COMMD8: variants seen among roughly 807,000 people sequenced by gnomAD.
COMMD8 encodes COMM domain containing 8, also known as COMM domain-containing protein 8.
A neutral mutation model predicts 27.2 loss-of-function variants in COMMD8; 28 were observed. That is an observed-to-expected ratio of 1.03 (90% CI 0.76 to 1.41). The LOEUF is 1.41. Ranked by LOEUF, COMMD8 falls within the 40% of genes most tolerant of loss-of-function variation. The pLI, the probability that COMMD8 is intolerant of heterozygous loss-of-function variation, is 0.00. For missense variants in COMMD8, 217 were observed against 211.2 expected, an observed-to-expected ratio of 1.03 and a Z score of -0.17; for synonymous variants, 79 against 75.5, an observed-to-expected ratio of 1.05 and a Z score of -0.24.
intron 1 of COMMD8, among the ~76,000 whole-genome samples, chr4:47,461,366 C>T (rs1248210979): frequency 6.6e-6 from 1 of 152,054 alleles, no homozygotes; most frequent in Admixed American, 6.6e-5. Flanking sequence ...TAACTCCTTC[C>T]CTCTAACACC....
Position 47,463,620 on chromosome 4 carries a change from C to G in COMMD8, c.32G>C (p.Arg11Pro). 1 of 1,548,650 alleles carries G rather than the reference C, an allele frequency of 6.5e-7. No homozygotes were observed. Among genetic ancestry groups the G allele is most frequent in the East Asian group, 2.4e-5 (1 of 40,856 alleles). MEPEEGTPLW[R>P]LQKLPAELGP... ...CAGCTCGGCCGGCAGCTTCTGCAGCCGCCACAAGGGCGTCCCCTCTTCCGG... is the reference window on the plus strand; with the variant it reads ...CAGCTCGGCCGGCAGCTTCTGCAGCGGCCACAAGGGCGTCCCCTCTTCCGG... The change falls in exon 1 of 5, where the codon CGG becomes CCG. Residue 11 changes from arginine to proline, a missense_variant. Coordinates refer to ENST00000381571, the MANE Select transcript of COMMD8 (RefSeq NM_017845.5).
At chr4:47,463,523 T>A in intron 1 of COMMD8, 63 bp downstream of exon 1, 1 of 1,475,974 alleles carries the variant, frequency 6.8e-7, no homozygotes, top group Non-Finnish European at 9.1e-7. Flanking sequence ...CCCGGCCTGA[T>A]CCGCACGCCG....
At chr4:47,461,124 C>T (rs1730014151) in intron 1 of COMMD8, among the ~76,000 whole-genome samples, 1 of 152,150 alleles carries the variant, frequency 6.6e-6, no homozygotes, top group South Asian at 2.1e-4. Context: ...CTGGCATGTA[C>T]AAAGACATGT....
chr4:47,455,875 T>G (rs764748686), intron 3 of COMMD8, among the ~76,000 whole-genome samples: 2 of 152,196 alleles, frequency 1.3e-5, no homozygotes, highest in Non-Finnish European at 2.9e-5. Flanking sequence ...TAATAATATC[T>G]TATAGATTTT....
At chr4:47,463,211 T>C (rs1730109348) in intron 1 of COMMD8, among the ~76,000 whole-genome samples, 1 of 152,196 alleles carries the variant, frequency 6.6e-6, no homozygotes, top group South Asian at 2.1e-4. Context: ...CTTTGTCACA[T>C]TGTATTCCAG....
chr4:47,458,331 A>T (rs763090189), intron 2 of COMMD8, among the ~76,000 whole-genome samples: 1 of 152,212 alleles, frequency 6.6e-6, no homozygotes, highest in Non-Finnish European at 1.5e-5. Context: ...TATTATATAC[A>T]ATCTCCCCCC....
chr4:47,454,668 C>T (rs866226308), intron 3 of COMMD8, among the ~76,000 whole-genome samples: 16 of 151,898 alleles, frequency 1.1e-4, no homozygotes, highest in African/African-American at 3.9e-4. Context: ...GAGTTCTAGA[C>T]CAGCATGACC....
rs1302016142 is a variant in COMMD8 at position 47,453,229 on chromosome 4, A to C, written c.376-15T>G. The stretch of plus-strand genomic sequence containing the variant: ...GAAAGTGCAAGCTGTTTAAAATCAG[A>C]AAAATAGCAATTAATAAATAGTAAA... On this transcript the variant is annotated splice_polypyrimidine_tract_variant and intron_variant, in intron 3 of 4. Coordinates refer to ENST00000381571, the MANE Select transcript of COMMD8 (RefSeq NM_017845.5). 1 of 1,605,926 alleles carries C rather than the reference A, an allele frequency of 6.2e-7. No individual in the cohort carries two copies. The highest frequency in any genetic ancestry group is 2.2e-5 in the East Asian group (1 of 44,838).
intron 3 of COMMD8, among the ~76,000 whole-genome samples, chr4:47,455,895 G>T (rs1006213879): frequency 2.0e-5 from 3 of 152,092 alleles, no homozygotes; most frequent in Non-Finnish European, 2.9e-5. Flanking sequence ...TCCTCCTAGA[G>T]GTAGAATCAC....
At chr4:47,459,980 A>C (rs910986279) in intron 2 of COMMD8, 164 bp downstream of exon 2, 11 of 516,516 alleles carry the variant, frequency 2.1e-5, no homozygotes, top group African/African-American at 2.0e-4. Flanking sequence ...ACAACCAAAA[A>C]CAAAACTGCA....
intron 2 of COMMD8, among the ~76,000 whole-genome samples, chr4:47,458,455 CA>C (rs1729944711): frequency 6.6e-6 from 1 of 152,006 alleles, no homozygotes; most frequent in Non-Finnish European, 1.5e-5. Context: ...AATTAAAGAT[CA>C]AAAACATCAT....
chr4:47,454,307 T>A (rs1729831781), intron 3 of COMMD8, among the ~76,000 whole-genome samples: 1 of 152,164 alleles, frequency 6.6e-6, no homozygotes, highest in African/African-American at 2.4e-5. Context: ...CCACAAAGCA[T>A]TTATATATTT....
In COMMD8 at chr4:47,450,862, A is replaced by G. The variant is rs1018404343; in HGVS notation, c.*783T>C. ...GGTTTGTTTTTCCAATGAATTTAAC[A>G]TCCCAAAGTATTCAATATTGAGTTT... On this transcript the variant is annotated 3_prime_UTR_variant, in exon 5 of 5. Coordinates refer to ENST00000381571, the MANE Select transcript of COMMD8 (RefSeq NM_017845.5). 1 of 152,212 alleles carries G rather than the reference A, an allele frequency of 6.6e-6. No homozygotes were observed. Among genetic ancestry groups the G allele is most frequent in the African/African-American group, 2.4e-5 (1 of 41,468 alleles). The allele number at this position is 152,212 out of a possible 1,614,324, so 9.4% of individuals were successfully genotyped here.
chr4:47,451,690 A>AT lies in COMMD8; in HGVS notation c.532-26dup, dbSNP rs1219784300. 3.2e-6 allele frequency: 5 copies of AT among 1,552,822 alleles called. No individual in the cohort carries two copies. The African/African-American group carries it at 4.3e-5, about 13-fold the overall frequency. ...CCTTAAAACACAAATTGAAGAGAAA[A>AT]TATCAGGTTATACAAGACTGATGCT... On this transcript the variant is annotated intron_variant, in intron 4 of 4. Coordinates refer to ENST00000381571, the MANE Select transcript of COMMD8 (RefSeq NM_017845.5).
Position 47,453,211 on chromosome 4 carries a change from C to A in COMMD8, c.379G>T (p.Ala127Ser). 1 of 1,612,026 alleles carries A rather than the reference C, an allele frequency of 6.2e-7. No individual in the cohort carries two copies. The highest frequency in any genetic ancestry group is 8.5e-7 in the Non-Finnish European group (1 of 1,179,312). Residue 127 changes from alanine (A) to serine (S), a missense_variant, in exon 4 of 5, where the codon GCA becomes TCA. By Grantham distance (99) the Ala-to-Ser change is moderately conservative. Transcript: ENST00000381571. ...LQDFDWQVKL[A>S]LSSDKIAALR... ...GCAGCAATCTTGTCACTGGAAAGTG[C>A]AAGCTGTTTAAAATCAGAAAAATAG...
At position 47,456,662 on chromosome 4, in the gene COMMD8, C is replaced by T; in HGVS notation, c.290G>A (p.Arg97Lys). 1.9e-6 allele frequency: 3 copies of T among 1,608,686 alleles called. No individual in the cohort carries two copies. The highest frequency in any genetic ancestry group is 2.5e-6 in the Non-Finnish European group (3 of 1,177,598). Residue 97 changes from arginine to lysine, a missense_variant, in exon 3 of 5, where the codon AGG (arginine) becomes AAG (lysine). Arg to Lys is a conservative substitution (Grantham distance 26, BLOSUM62 2). Transcript: ENST00000381571. ...QETIMKCVKS[R>K]KDEIKQALSR... Reference sequence around the variant, plus strand: ...CAGAGCCTGTTTGATTTCATCTTTCCTACTTTTCACGCATTTCATGATAGT... The same window carrying T: ...CAGAGCCTGTTTGATTTCATCTTTCTTACTTTTCACGCATTTCATGATAGT...
In COMMD8 at chr4:47,453,179, T is replaced by C. The variant is rs1270289819; in HGVS notation, c.411A>G (p.Arg137=). The stretch of plus-strand genomic sequence containing the variant: ...CTAGATGCAGGCTTAAAAGTGGCAT[T>C]CGTAATGCAGCAATCTTGTCACTGG... ...ALSSDKIAAL[R]MPLLSLHLDV... Residue 137 remains arginine (R), a synonymous_variant, in exon 4 of 5, where the codon CGA becomes CGG. Coordinates refer to ENST00000381571, the MANE Select transcript of COMMD8 (RefSeq NM_017845.5). 1 of 1,614,026 alleles carries C rather than the reference T, an allele frequency of 6.2e-7. No individual in the cohort carries two copies. The highest frequency in any genetic ancestry group is 8.5e-7 in the Non-Finnish European group (1 of 1,179,974).
chr4:47,451,272 C>T lies in COMMD8; in HGVS notation c.*373G>A, dbSNP rs1729745356. ...TCCATAATATATGTTGCTATTCACA[C>T]AATTCTTTAAGCAATATTCAAGTAT... On this transcript the variant is annotated 3_prime_UTR_variant, in exon 5 of 5. Coordinates refer to ENST00000381571, the MANE Select transcript of COMMD8 (RefSeq NM_017845.5). 4.5e-6 allele frequency: 1 copy of T among 219,936 alleles called. No homozygotes were observed. The highest frequency in any genetic ancestry group is 2.4e-5 in the African/African-American group (1 of 42,038). 13.6% of individuals were successfully genotyped at this position (219,936 alleles called of 1,614,324 possible).
intron 1 of COMMD8, among the ~76,000 whole-genome samples, chr4:47,461,922 C>T (rs1226913425): frequency 1.3e-5 from 2 of 151,956 alleles, no homozygotes; most frequent in African/African-American, 4.8e-5. Flanking sequence ...ATACAAGGTA[C>T]GAAGGAGCAC....
Sources: gnomAD v4.1 joint callset for allele counts (sites outside exome capture counted in the v4.1 genomes callset) on GRCh38, gnomAD v4.1.1 for gene constraint, MANE v1.5 for transcripts, NCBI Gene and HGNC (gene_info 2026-07-23, HGNC 2026-07-21) for gene names.